The following ITGBL1 variants were observed in gnomAD, a reference collection of about 807,000 sequenced individuals.
ITGBL1 encodes the protein integrin beta-like protein 1.
A neutral mutation model predicts 68.5 loss-of-function variants in ITGBL1; 51 were observed. The ratio of observed to expected loss-of-function variants is 0.74; its 90% CI spans 0.59 to 0.94. The LOEUF (loss-of-function observed/expected upper bound fraction) is 0.94, where lower values mean the gene tolerates loss of function less well. Among genes scored for constraint, ITGBL1 ranks in the 40% least tolerant of loss-of-function variants. The probability of loss-of-function intolerance (pLI) is 0.00; values close to 1 mark genes in which losing one functional copy is unlikely to be tolerated. For missense variants in ITGBL1, 649 were observed against 647.4 expected, an observed-to-expected ratio of 1.00 and a Z score of -0.03; for synonymous variants, 209 against 227.3, an observed-to-expected ratio of 0.92 and a Z score of 0.72.
At chr13:101,511,752 A>C (rs907809471) in intron 2 of ITGBL1, among the ~76,000 whole-genome samples, 6 of 152,154 alleles carry the variant, frequency 3.9e-5, no homozygotes, top group African/African-American at 1.2e-4. Flanking sequence ...TCAAGTCTCC[A>C]GATGAGAATG....
At chr13:101,559,178 G>A (rs573486764) in intron 2 of ITGBL1, among the ~76,000 whole-genome samples, 16 of 152,240 alleles carry the variant, frequency 1.1e-4, no homozygotes, top group Non-Finnish European at 2.2e-4. Flanking sequence ...GGTCATGGTT[G>A]CTTTTAGTAG....
At chr13:101,514,393 A>T (rs1312827363) in intron 2 of ITGBL1, among the ~76,000 whole-genome samples, 1 of 152,124 alleles carries the variant, frequency 6.6e-6, no homozygotes, top group African/African-American at 2.4e-5. Flanking sequence ...ATCACTTTAG[A>T]AGTGCATAAA....
chr13:101,639,707 C>T (rs1198031181), intron 7 of ITGBL1, among the ~76,000 whole-genome samples: 1 of 152,058 alleles, frequency 6.6e-6, no homozygotes, highest in African/African-American at 2.4e-5. Context: ...AATTACAAAC[C>T]ATGTTTCATT....
At chr13:101,511,368 T>C (rs2049113047) in intron 2 of ITGBL1, among the ~76,000 whole-genome samples, 1 of 152,136 alleles carries the variant, frequency 6.6e-6, no homozygotes, top group African/African-American at 2.4e-5. Flanking sequence ...CATGACCTTG[T>C]ATAATTCCTT....
chr13:101,539,571 A>G (rs2049649511), intron 2 of ITGBL1, among the ~76,000 whole-genome samples: 3 of 151,944 alleles, frequency 2.0e-5, no homozygotes, highest in Admixed American at 1.3e-4. Context: ...ATACCCAGTA[A>G]TGGGATTGCT....
chr13:101,483,923 A>C (rs1350114773), intron 2 of ITGBL1, among the ~76,000 whole-genome samples: 1 of 152,200 alleles, frequency 6.6e-6, no homozygotes, highest in African/African-American at 2.4e-5. Flanking sequence ...GAAATCCTCT[A>C]TTCACACAGC....
chr13:101,603,131 T>C (rs893757436), intron 7 of ITGBL1, among the ~76,000 whole-genome samples: 2 of 151,976 alleles, frequency 1.3e-5, no homozygotes, highest in Non-Finnish European at 2.9e-5. Context: ...TGACTCTGTT[T>C]TACCTTTTGA....
At position 101,481,393 on chromosome 13, in the gene ITGBL1, C is replaced by T. The variant is rs555537332; in HGVS notation, c.316+27293C>T. Among the ~76,000 whole-genome samples, 18 of 151,754 alleles carry T rather than the reference C, an allele frequency of 1.2e-4. No individual in the cohort carries two copies. In the South Asian group the frequency reaches 1.7e-3, roughly 14 times the overall value. ...TAATATTCTAAAATTTTGTGGGTGG[C>T]TATAGGAAGAAAAGGGAAAGAATGA... On this transcript the variant is annotated intron_variant, in intron 2 of 10. Coordinates refer to ENST00000376180, the MANE Select transcript of ITGBL1 (RefSeq NM_004791.3).
At chr13:101,541,263 A>G (rs932779293) in intron 2 of ITGBL1, among the ~76,000 whole-genome samples, 3 of 151,714 alleles carry the variant, frequency 2.0e-5, no homozygotes, top group African/African-American at 7.3e-5. Context: ...TTTAGCATGA[A>G]GGGTTGTTGA....
At chr13:101,715,400 G>A (rs571313668) in intron 10 of ITGBL1, 163 bp from the exon 11 acceptor site, 62 of 617,872 alleles carry the variant, frequency 1.0e-4, no homozygotes, top group Admixed American at 6.0e-4. Flanking sequence ...TAGATGTCTC[G>A]CAGCTGCTTA....
intron 2 of ITGBL1, among the ~76,000 whole-genome samples, chr13:101,559,764 G>A (rs1435832795): frequency 6.6e-6 from 1 of 152,128 alleles, no homozygotes; most frequent in Non-Finnish European, 1.5e-5. Context: ...TTGTAGAATG[G>A]AAAAACAAAG....
chr13:101,701,746 G>T lies in ITGBL1; in HGVS notation c.1133-5010G>T, dbSNP rs907437160. On this transcript the variant is annotated intron_variant, in intron 8 of 10. Coordinates refer to ENST00000376180, the MANE Select transcript of ITGBL1 (RefSeq NM_004791.3). ...AAATAAAATAAGCCAGTCATGAAAA[G>T]AAAAACACTGTATGATTTCACTTAT... 2.6e-5 allele frequency among the ~76,000 whole-genome samples: 4 copies of T among 152,040 alleles called. No individual in the cohort carries two copies. In the South Asian group the frequency reaches 8.3e-4, roughly 32 times the overall value.
chr13:101,669,950 T>A (rs1224606946), intron 7 of ITGBL1, among the ~76,000 whole-genome samples: 1 of 152,154 alleles, frequency 6.6e-6, no homozygotes, highest in African/African-American at 2.4e-5. Flanking sequence ...TCTTTTCATA[T>A]TGTTAAAGTT....
chr13:101,618,170 T>C (rs1321363912), intron 7 of ITGBL1, among the ~76,000 whole-genome samples: 1 of 152,202 alleles, frequency 6.6e-6, no homozygotes, highest in African/African-American at 2.4e-5. Context: ...GGGGAAATTA[T>C]GTTTAGTGAG....
Position 101,689,295 on chromosome 13 carries a change from A to AG in ITGBL1, c.1016-3288dup, listed in dbSNP as rs541977646. Among the ~76,000 whole-genome samples, 61 of 149,870 alleles carry AG rather than the reference A, an allele frequency of 4.1e-4. 1 individual carries two copies. The highest frequency in any genetic ancestry group is 1.4e-3 in the African/African-American group (57 of 40,980). On this transcript the variant is annotated intron_variant, in intron 7 of 10. Transcript: ENST00000376180. ...GTATTTGTGAAATTGTGTGAGTAGG[A>AG]GGATGCCAATGTCACAGATTTGGTG...
chr13:101,589,599 T>C (rs1310613211), intron 6 of ITGBL1, among the ~76,000 whole-genome samples: 1 of 152,216 alleles, frequency 6.6e-6, no homozygotes, highest in Non-Finnish European at 1.5e-5. Flanking sequence ...TAAACAATGT[T>C]CTCCCACTTT....
At chr13:101,629,449 AT>A (rs2031902280) in intron 7 of ITGBL1, among the ~76,000 whole-genome samples, 1 of 152,048 alleles carries the variant, frequency 6.6e-6, no homozygotes. Context: ...ATAAATATAT[AT>A]TTTTATTTAT....
At chr13:101,517,821 G>T (rs1464126198) in intron 2 of ITGBL1, among the ~76,000 whole-genome samples, 1 of 152,140 alleles carries the variant, frequency 6.6e-6, no homozygotes, top group African/African-American at 2.4e-5. Context: ...TTATTTGGGG[G>T]TAGGGCTGGA....
chr13:101,691,112 T>C (rs969326993), intron 7 of ITGBL1, among the ~76,000 whole-genome samples: 1 of 152,166 alleles, frequency 6.6e-6, no homozygotes, highest in Non-Finnish European at 1.5e-5. Flanking sequence ...CGTTGTGCCT[T>C]TGCTTTCACC....
Sources: gnomAD v4.1 joint callset for allele counts (sites outside exome capture counted in the v4.1 genomes callset) on GRCh38, gnomAD v4.1.1 for gene constraint, MANE v1.5 for transcripts, NCBI Gene and HGNC (gene_info 2026-07-23, HGNC 2026-07-21) for gene names.